Variants in KCNH5 observed in about 807,000 individuals in gnomAD.
KCNH5 encodes voltage-gated delayed rectifier potassium channel KCNH5.
KCNH5 carries 46 observed loss-of-function variants against 96.1 expected under a neutral mutation model. The observed-to-expected ratio is 0.48, with a 90% confidence interval of 0.38 to 0.61. The LOEUF is 0.61. Among genes scored for constraint, KCNH5 ranks in the 20% least tolerant of loss-of-function variants. KCNH5 has a pLI of 0.00. For missense variants in KCNH5, 907 were observed against 1,225.8 expected (o/e 0.74, Z 3.88); for synonymous variants, 439 against 449.8 (o/e 0.98, Z 0.30).
In KCNH5 at chr14:62,938,848, C is replaced by T. The variant is rs574183387; in HGVS notation, c.1369+11285G>A. 1.4e-3 allele frequency among the ~76,000 whole-genome samples: 211 copies of T among 152,302 alleles called. No homozygotes were observed. The Middle Eastern group carries it at 0.041, about 29-fold the overall frequency. The stretch of plus-strand genomic sequence containing the variant: ...GTTCAATTTCATACAAACTTCTAAG[C>T]CAATGCTACCTTTCGTTTTATAACA... On this transcript the variant is annotated intron_variant, in intron 7 of 10. Coordinates refer to ENST00000322893, the MANE Select transcript of KCNH5 (RefSeq NM_139318.5).
intron 1 of KCNH5, among the ~76,000 whole-genome samples, chr14:63,033,171 C>T (rs1202187374): frequency 1.3e-5 from 2 of 152,204 alleles, no homozygotes; most frequent in East Asian, 3.8e-4. Flanking sequence ...TCAACCTTTA[C>T]GGAAGTAGCT....
intron 2 of KCNH5, among the ~76,000 whole-genome samples, chr14:63,009,189 A>T (rs1224905225): frequency 1.3e-5 from 2 of 152,170 alleles, no homozygotes; most frequent in African/African-American, 2.4e-5. Flanking sequence ...ATTATCAAAA[A>T]TTAACTCCAA....
chr14:62,773,766 C>G (rs1886038980), intron 10 of KCNH5, among the ~76,000 whole-genome samples: 1 of 152,168 alleles, frequency 6.6e-6, no homozygotes. Context: ...ATTCATGTAA[C>G]ATATATTTTA....
chr14:62,713,913 T>C (rs1884627839), intron 10 of KCNH5, among the ~76,000 whole-genome samples: 1 of 152,212 alleles, frequency 6.6e-6, no homozygotes, highest in Non-Finnish European at 1.5e-5. Context: ...CCAAGAAAGC[T>C]ATATTTCCAT....
At chr14:62,938,402 A>C (rs1889726058) in intron 7 of KCNH5, among the ~76,000 whole-genome samples, 1 of 152,204 alleles carries the variant, frequency 6.6e-6, no homozygotes, top group Non-Finnish European at 1.5e-5. Context: ...GAAAATATTA[A>C]ACAAGTAGGT....
chr14:62,967,371 C>G (rs1029600932), intron 6 of KCNH5, among the ~76,000 whole-genome samples: 2 of 151,920 alleles, frequency 1.3e-5, no homozygotes, highest in Non-Finnish European at 2.9e-5. Flanking sequence ...CATTAGCCAC[C>G]ATGCCCAGCC....
At chr14:62,760,095 A>C (rs775334407) in intron 10 of KCNH5, among the ~76,000 whole-genome samples, 60 of 152,278 alleles carry the variant, frequency 3.9e-4, no homozygotes, top group Non-Finnish European at 7.1e-4. Flanking sequence ...CAAATCCAGG[A>C]GGCTGGATCT....
chr14:62,986,950 A>T (rs774684389), intron 5 of KCNH5, 122 bp downstream of exon 5: 19 of 672,126 alleles, frequency 2.8e-5, no homozygotes, highest in Non-Finnish European at 4.9e-5. Context: ...TACAAGGGAA[A>T]CATAAATTAT....
At chr14:62,958,984 A>C (rs758945390) in intron 6 of KCNH5, among the ~76,000 whole-genome samples, 1 of 152,010 alleles carries the variant, frequency 6.6e-6, no homozygotes, top group Non-Finnish European at 1.5e-5. Flanking sequence ...TCATTAAGCA[A>C]AAAAAATTAA....
chr14:62,990,321 C>A (rs925028394), intron 4 of KCNH5, among the ~76,000 whole-genome samples: 1 of 151,990 alleles, frequency 6.6e-6, no homozygotes, highest in African/African-American at 2.4e-5. Context: ...CAGACTACAA[C>A]TGTGTTTCTT....
In KCNH5 at chr14:62,701,530, G is replaced by A. The variant is rs1884347810; in HGVS notation, c.*5978C>T. Reference sequence around the variant, plus strand: ...TGGTAATGTAAAAGCCAGGATGGAAGTGAGCTGACTATAAAAAGCTTTGGA... The same window carrying A: ...TGGTAATGTAAAAGCCAGGATGGAAATGAGCTGACTATAAAAAGCTTTGGA... On this transcript the variant is annotated 3_prime_UTR_variant, in exon 11 of 11. Coordinates refer to ENST00000322893, the MANE Select transcript of KCNH5 (RefSeq NM_139318.5). 1 of 152,138 alleles carries A rather than the reference G, an allele frequency of 6.6e-6. No homozygotes were observed. The highest frequency in any genetic ancestry group is 2.4e-5 in the African/African-American group (1 of 41,456). The allele number at this position is 152,138 out of a possible 1,614,324, so 9.4% of individuals were successfully genotyped here.
At position 62,703,866 on chromosome 14, in the gene KCNH5, T is replaced by C. The variant is rs576600888; in HGVS notation, c.*3642A>G. 1.3e-5 allele frequency: 2 copies of C among 152,020 alleles called. No homozygotes were observed. Among genetic ancestry groups the C allele is most frequent in the East Asian group, 1.9e-4 (1 of 5,180 alleles). 9.4% of individuals were successfully genotyped at this position (152,020 alleles called of 1,614,324 possible). On this transcript the variant is annotated 3_prime_UTR_variant, in exon 11 of 11. Transcript: ENST00000322893. Reference sequence around the variant, plus strand: ...CTTAAAAGATAAAAATTATACAAGATAGTGGAATTCATTAGAAATATGATG... The same window carrying C: ...CTTAAAAGATAAAAATTATACAAGACAGTGGAATTCATTAGAAATATGATG...
intron 7 of KCNH5, among the ~76,000 whole-genome samples, chr14:62,939,130 T>C (rs1221767530): frequency 1.3e-5 from 2 of 152,194 alleles, no homozygotes; most frequent in Non-Finnish European, 2.9e-5. Context: ...AAGTCACTGA[T>C]GACCTCCTAA....
chr14:62,740,405 A>AT (rs896863884), intron 10 of KCNH5, among the ~76,000 whole-genome samples: 80 of 152,140 alleles, frequency 5.3e-4, no homozygotes, highest in African/African-American at 1.9e-3. Flanking sequence ...AGGTGGCCTC[A>AT]TTCTAGCTAT....
In KCNH5 at chr14:62,707,904, T is replaced by G; in HGVS notation, c.2571A>C (p.Pro857=). 1 of 1,614,170 alleles carries G rather than the reference T, an allele frequency of 6.2e-7. No homozygotes were observed. Among genetic ancestry groups the G allele is most frequent in the Non-Finnish European group, 8.5e-7 (1 of 1,180,022 alleles). Residue 857 remains proline (P), a synonymous_variant, in exon 11 of 11, where the codon CCA becomes CCC. Coordinates refer to ENST00000322893, the MANE Select transcript of KCNH5 (RefSeq NM_139318.5). ...TGTCACAAGAATCTGTTTTTCTTAGTGGGTTTTTGGTCACACTGTTCTCTG... is the reference window on the plus strand; with the variant it reads ...TGTCACAAGAATCTGTTTTTCTTAGGGGGTTTTTGGTCACACTGTTCTCTG... ...SDSENSVTKN[P]LRKTDSCDSG...
At chr14:62,882,844 C>A (rs539284098) in intron 7 of KCNH5, among the ~76,000 whole-genome samples, 2 of 152,280 alleles carry the variant, frequency 1.3e-5, no homozygotes, top group African/African-American at 4.8e-5. Flanking sequence ...TCATATTGGT[C>A]ATCTGACTTA....
intron 2 of KCNH5, among the ~76,000 whole-genome samples, chr14:63,012,609 C>A (rs547940096): frequency 6.6e-6 from 1 of 151,952 alleles, no homozygotes; most frequent in African/African-American, 2.4e-5. Flanking sequence ...ATGTGTAGGA[C>A]GATTCTTATT....
At chr14:62,811,310 C>T (rs1886868903) in intron 8 of KCNH5, among the ~76,000 whole-genome samples, 2 of 152,080 alleles carry the variant, frequency 1.3e-5, no homozygotes, top group Admixed American at 1.3e-4. Context: ...AAAGTCCTAA[C>T]CAAGCATACA....
At chr14:63,025,434 ACT>A (rs2139617243) in intron 1 of KCNH5, among the ~76,000 whole-genome samples, 1 of 152,088 alleles carries the variant, frequency 6.6e-6, no homozygotes, top group East Asian at 1.9e-4. Context: ...GGTTAAATTG[ACT>A]CTGTTTGCAG....
Sources: allele counts gnomAD v4.1 joint callset (sites outside exome capture counted in the v4.1 genomes callset), GRCh38; gene constraint gnomAD v4.1.1; transcripts MANE v1.5; gene names NCBI Gene and HGNC (gene_info 2026-07-23, HGNC 2026-07-21).